PDE3A: variants seen among roughly 807,000 people sequenced by gnomAD.
The protein encoded by PDE3A is cGMP-inhibited 3',5'-cyclic phosphodiesterase 3A.
Under a neutral mutation model 98.3 loss-of-function variants are expected in PDE3A, and 43 were observed. The ratio of observed to expected loss-of-function variants is 0.44; its 90% CI spans 0.34 to 0.56. The LOEUF (loss-of-function observed/expected upper bound fraction) is 0.56. PDE3A is among the 20% of genes least tolerant of loss of function. The probability of loss-of-function intolerance (pLI) is 0.01; values close to 1 mark genes in which losing one functional copy is unlikely to be tolerated. For missense variants in PDE3A, 1,427 were observed against 1,440.7 expected (o/e 0.99, Z 0.15); for synonymous variants, 663 against 567.9 (o/e 1.17, Z -2.38).
At chr12:20,564,259 T>C (rs1037695666) in intron 2 of PDE3A, among the ~76,000 whole-genome samples, 2 of 152,120 alleles carry the variant, frequency 1.3e-5, no homozygotes, top group Admixed American at 6.5e-5. Flanking sequence ...AAATGTTCCC[T>C]GGGAATCAAA....
chr12:20,624,524 G>C (rs1272132111), intron 5 of PDE3A, among the ~76,000 whole-genome samples: 1 of 152,146 alleles, frequency 6.6e-6, no homozygotes, highest in Non-Finnish European at 1.5e-5. Flanking sequence ...GTAGGAATGA[G>C]AGCCACAGGC....
intron 1 of PDE3A, among the ~76,000 whole-genome samples, chr12:20,402,633 A>G (rs940508497): frequency 9.9e-5 from 15 of 152,264 alleles, no homozygotes; most frequent in African/African-American, 3.4e-4. Flanking sequence ...GAAGACAACT[A>G]TGAATATAAA....
intron 1 of PDE3A, among the ~76,000 whole-genome samples, chr12:20,448,955 T>A (rs1433143062): frequency 6.6e-6 from 1 of 152,180 alleles, no homozygotes; most frequent in Non-Finnish European, 1.5e-5. Flanking sequence ...TCTCTTTAAA[T>A]GGAATTTATT....
intron 15 of PDE3A, among the ~76,000 whole-genome samples, chr12:20,657,624 CT>C (rs781336957): frequency 1.1e-4 from 16 of 152,190 alleles, no homozygotes; most frequent in Non-Finnish European, 2.4e-4. Flanking sequence ...ATGAAAGGCT[CT>C]TTGTTCTCCT....
chr12:20,548,862 G>T (rs1276503336), intron 1 of PDE3A, among the ~76,000 whole-genome samples: 1 of 152,060 alleles, frequency 6.6e-6, no homozygotes, highest in African/African-American at 2.4e-5. Context: ...AGGATGTTTT[G>T]ACTTTCTCTT....
At chr12:20,512,103 G>C (rs1946236559) in intron 1 of PDE3A, among the ~76,000 whole-genome samples, 1 of 151,976 alleles carries the variant, frequency 6.6e-6, no homozygotes, top group African/African-American at 2.4e-5. Flanking sequence ...TAACATCCTA[G>C]ATAGGACCCT....
chr12:20,648,875 C>A lies in PDE3A; in HGVS notation c.2753C>A (p.Ala918Asp). The A allele has an allele frequency of 6.2e-7, 1 of 1,610,420 alleles. No homozygotes were observed. Among genetic ancestry groups the A allele is most frequent in the Non-Finnish European group, 8.5e-7 (1 of 1,177,038 alleles). Residue 918 changes from alanine (A) to aspartate (D), a missense_variant, in exon 13 of 16, where the codon GCC becomes GAC. Transcript: ENST00000359062. Reference protein sequence around the residue: ...TDLKKHFDFVAKFNGKVNDDV... With the variant: ...TDLKKHFDFVDKFNGKVNDDV... Reference sequence around the variant, plus strand: ...CTGAAGAAACACTTTGACTTCGTAGCCAAATTTAATGGCAAGGTAAATAGA... The same window carrying A: ...CTGAAGAAACACTTTGACTTCGTAGACAAATTTAATGGCAAGGTAAATAGA...
chr12:20,453,679 G>C (rs948656309), intron 1 of PDE3A, among the ~76,000 whole-genome samples: 7 of 152,144 alleles, frequency 4.6e-5, no homozygotes, highest in Admixed American at 2.0e-4. Flanking sequence ...TATAAGTAGG[G>C]ATCATGTTCG....
intron 12 of PDE3A, among the ~76,000 whole-genome samples, chr12:20,647,350 A>G (rs559947342): frequency 2.0e-5 from 3 of 152,198 alleles, no homozygotes; most frequent in Admixed American, 6.5e-5. Flanking sequence ...AATATATTCA[A>G]TATAACAATT....
chr12:20,611,898 T>TAA (rs11377123), intron 2 of PDE3A, among the ~76,000 whole-genome samples: 1 of 149,674 alleles, frequency 6.7e-6, no homozygotes, highest in Non-Finnish European at 1.5e-5. Flanking sequence ...TAATGAAATT[T>TAA]AAAAAAAAAA....
intron 1 of PDE3A, among the ~76,000 whole-genome samples, chr12:20,433,120 C>T (rs1160253831): frequency 6.6e-6 from 1 of 152,090 alleles, no homozygotes; most frequent in Admixed American, 6.6e-5. Flanking sequence ...CCAGCAGCCT[C>T]CAAAAATCCT....
chr12:20,472,766 A>T (rs1436692576), intron 1 of PDE3A, among the ~76,000 whole-genome samples: 2 of 152,186 alleles, frequency 1.3e-5, no homozygotes, highest in Non-Finnish European at 2.9e-5. Flanking sequence ...GGGGAATTTT[A>T]AAATTTGGTT....
At chr12:20,392,285 A>C (rs1305512905) in intron 1 of PDE3A, among the ~76,000 whole-genome samples, 1 of 151,986 alleles carries the variant, frequency 6.6e-6, no homozygotes, top group Non-Finnish European at 1.5e-5. Context: ...GTATAGCTAG[A>C]ACAGTGAAAA....
At chr12:20,625,290 C>T (rs1471777993) in intron 5 of PDE3A, among the ~76,000 whole-genome samples, 2 of 152,126 alleles carry the variant, frequency 1.3e-5, no homozygotes, top group Admixed American at 6.6e-5. Context: ...GTATGAGTCA[C>T]TGACATTGTG....
chr12:20,631,967 G>C (rs942588397), intron 6 of PDE3A, among the ~76,000 whole-genome samples: 1 of 152,124 alleles, frequency 6.6e-6, no homozygotes, highest in African/African-American at 2.4e-5. Flanking sequence ...AACTTGAAGA[G>C]TTTGGCGTTG....
chr12:20,541,540 T>C lies in PDE3A; in HGVS notation c.961-15120T>C, dbSNP rs571236963. Among the ~76,000 whole-genome samples, 13 of 152,196 alleles carry C rather than the reference T, an allele frequency of 8.5e-5. No homozygotes were observed. In the East Asian group the frequency reaches 2.3e-3, roughly 27 times the overall value. On this transcript the variant is annotated intron_variant, in intron 1 of 15. Coordinates refer to ENST00000359062, the MANE Select transcript of PDE3A (RefSeq NM_000921.5). ...AGAGACAGAGAAGTACCTGGTTAAT[T>C]ATTTCTGCACCTGCAATTCTAACGA... is the stretch of plus-strand genomic sequence containing the variant.
chr12:20,395,784 C>A (rs1369750680), intron 1 of PDE3A, among the ~76,000 whole-genome samples: 1 of 150,686 alleles, frequency 6.6e-6, no homozygotes, highest in Non-Finnish European at 1.5e-5. Context: ...AGAGATGCAA[C>A]CTTCAAGACA....
chr12:20,413,901 A>G (rs1363708520), intron 1 of PDE3A, among the ~76,000 whole-genome samples: 1 of 152,156 alleles, frequency 6.6e-6, no homozygotes, highest in African/African-American at 2.4e-5. Context: ...GATGGACTTT[A>G]GAGACGTTTA....
chr12:20,625,415 A>T (rs912292539), intron 5 of PDE3A, among the ~76,000 whole-genome samples: 1 of 152,170 alleles, frequency 6.6e-6, no homozygotes, highest in Non-Finnish European at 1.5e-5. Flanking sequence ...GTGATAAGAG[A>T]TATCTCTACA....
Sources: allele counts gnomAD v4.1 joint callset (sites outside exome capture counted in the v4.1 genomes callset), GRCh38; gene constraint gnomAD v4.1.1; transcripts MANE v1.5; gene names NCBI Gene and HGNC (gene_info 2026-07-23, HGNC 2026-07-21).